The following ALK variants were observed in gnomAD, a reference collection of about 807,000 sequenced individuals.
ALK encodes ALK tyrosine kinase receptor.
In ALK, 74 loss-of-function variants were observed where a neutral mutation model predicts 163.1. The observed-to-expected ratio is 0.45, with a 90% CI of 0.38 to 0.55. The LOEUF is 0.55. Ranked by LOEUF, ALK falls within the 20% of genes least tolerant of loss-of-function variation. The pLI is 0.00. For missense variants in ALK, 2,063 were observed against 2,105.3 expected, an observed-to-expected ratio of 0.98 and a Z score of 0.39; for synonymous variants, 960 against 843.2, an observed-to-expected ratio of 1.14 and a Z score of -2.40.
At chr2:29,730,645 G>T (rs773928548) in intron 1 of ALK, among the ~76,000 whole-genome samples, 1 of 152,166 alleles carries the variant, frequency 6.6e-6, no homozygotes, top group African/African-American at 2.4e-5. Flanking sequence ...GGCTAAGCCA[G>T]TGCTTCCTCA....
intron 1 of ALK, among the ~76,000 whole-genome samples, chr2:29,855,097 A>G (rs1242464512): frequency 6.6e-6 from 1 of 152,228 alleles, no homozygotes; most frequent in Admixed American, 6.5e-5. Flanking sequence ...AATGTCACCA[A>G]TTGTAATTCT....
chr2:29,483,305 T>C (rs74477148), intron 4 of ALK, among the ~76,000 whole-genome samples: 3,165 of 152,314 alleles, frequency 0.021, 37 homozygotes, highest in Middle Eastern at 0.071. Context: ...CTGCCTCAGG[T>C]CAACTGAACC....
intron 4 of ALK, among the ~76,000 whole-genome samples, chr2:29,405,115 C>T (rs1012401188): frequency 1.3e-5 from 2 of 152,166 alleles, no homozygotes; most frequent in African/African-American, 2.4e-5. Context: ...CTTTAAATGA[C>T]GTGACTCTGG....
rs530409351 is a variant in ALK, at chr2:29,278,596, A to G, written c.1818-3100T>C. 2.6e-5 allele frequency among the ~76,000 whole-genome samples: 4 copies of G among 152,324 alleles called. No homozygotes were observed. In the East Asian group the frequency reaches 7.7e-4, roughly 29 times the overall value. On this transcript the variant is annotated intron_variant, in intron 9 of 28. Transcript: ENST00000389048. ...ATGAGTTTCTGGCTTGAGCCTCTGTAACCCTGGACAAAGCCCAAGCCTGGG... is the reference window on the plus strand; with the variant it reads ...ATGAGTTTCTGGCTTGAGCCTCTGTGACCCTGGACAAAGCCCAAGCCTGGG...
In ALK at chr2:29,228,866, A is replaced by G; in HGVS notation, c.2815+18T>C. ...TAAGCAGGGAGGGAGTGACACCTTGAACACGAATCATCTTTACCTATATAT... is the reference window on the plus strand; with the variant it reads ...TAAGCAGGGAGGGAGTGACACCTTGGACACGAATCATCTTTACCTATATAT... On this transcript the variant is annotated intron_variant, in intron 16 of 28. Coordinates refer to ENST00000389048, the MANE Select transcript of ALK (RefSeq NM_004304.5). The G allele has an allele frequency of 2.6e-6, 4 of 1,550,622 alleles. No homozygotes were observed. The highest frequency in any genetic ancestry group is 3.6e-6 in the Non-Finnish European group (4 of 1,122,304).
At chr2:29,298,578 C>T (rs2148232494) in intron 8 of ALK, among the ~76,000 whole-genome samples, 1 of 152,236 alleles carries the variant, frequency 6.6e-6, no homozygotes, top group South Asian at 2.1e-4. Context: ...TCTTGATTTC[C>T]ACAGTTGATT....
chr2:29,641,786 G>T (rs6757641), intron 3 of ALK, among the ~76,000 whole-genome samples: 1 of 151,972 alleles, frequency 6.6e-6, no homozygotes, highest in African/African-American at 2.4e-5. Flanking sequence ...CCTTCACTTA[G>T]GGCAGCAAAA....
intron 11 of ALK, among the ~76,000 whole-genome samples, chr2:29,257,048 G>A (rs1474829960): frequency 6.6e-6 from 1 of 152,150 alleles, no homozygotes. Context: ...GCTTGATGCT[G>A]AGCAGACAAT....
At chr2:29,312,736 C>T (rs1410353401) in intron 8 of ALK, among the ~76,000 whole-genome samples, 2 of 152,200 alleles carry the variant, frequency 1.3e-5, no homozygotes, top group African/African-American at 4.8e-5. Flanking sequence ...GTCTCCAATG[C>T]AGGAAGAGGC....
intron 4 of ALK, among the ~76,000 whole-genome samples, chr2:29,518,164 A>G (rs541380472): frequency 2.7e-4 from 41 of 152,292 alleles, no homozygotes; most frequent in Admixed American, 9.8e-4. Flanking sequence ...ATTTTAAATA[A>G]CGCATCTAAA....
At chr2:29,224,116 A>G (rs955009726) in intron 19 of ALK, among the ~76,000 whole-genome samples, 3 of 152,234 alleles carry the variant, frequency 2.0e-5, no homozygotes, top group Admixed American at 6.5e-5. Flanking sequence ...TGGGTAGGGC[A>G]GCTTCAGTGC....
chr2:29,215,583 G>C (rs971320888), intron 23 of ALK, among the ~76,000 whole-genome samples: 1 of 152,188 alleles, frequency 6.6e-6, no homozygotes, highest in Admixed American at 6.5e-5. Flanking sequence ...GCTAATAAGC[G>C]TGGAGCCAAA....
At chr2:29,750,966 C>T (rs575201349) in intron 1 of ALK, among the ~76,000 whole-genome samples, 8 of 152,040 alleles carry the variant, frequency 5.3e-5, no homozygotes, top group East Asian at 1.9e-4. Context: ...GCTACTCCAG[C>T]GGCTGAGGCA....
rs760683752 is a variant in ALK, at chr2:29,408,081, C to CTTTTTTTTTT, written c.1155-24223_1155-24222insAAAAAAAAAA. 2.1e-5 allele frequency among the ~76,000 whole-genome samples: 3 copies of CTTTTTTTTTT among 140,850 alleles called. 1 individual carries two copies. The highest frequency in any genetic ancestry group is 3.0e-5 in the Non-Finnish European group (2 of 65,576). 92.4% of individuals were successfully genotyped at this position (140,850 alleles called of 152,430 possible). On this transcript the variant is annotated intron_variant, in intron 4 of 28. Transcript: ENST00000389048. ...TAGGCAAAGGTACTCAGGGAAAGTT[C>CTTTTTTTTTT]TTTTTCTTTTTTTTTTTTTGAGATG...
intron 1 of ALK, among the ~76,000 whole-genome samples, chr2:29,764,920 G>C (rs925241445): frequency 2.0e-5 from 3 of 152,212 alleles, no homozygotes; most frequent in South Asian, 2.1e-4. Context: ...TGGATCAAGG[G>C]GGCAGATCTC....
At chr2:29,549,828 A>C (rs1372383167) in intron 3 of ALK, among the ~76,000 whole-genome samples, 2 of 152,210 alleles carry the variant, frequency 1.3e-5, no homozygotes, top group Non-Finnish European at 2.9e-5. Flanking sequence ...AAAATATTGG[A>C]TCTCTTGGGT....
At position 29,856,447 on chromosome 2, in the gene ALK, C is replaced by T. The variant is rs560313195; in HGVS notation, c.667+63546G>A. ...ATGTGTACCAGGTATTTTACAAACA[C>T]GACCTCAGTCATTTCTCACTTCAAC... On this transcript the variant is annotated intron_variant, in intron 1 of 28. Coordinates refer to ENST00000389048, the MANE Select transcript of ALK (RefSeq NM_004304.5). Among the ~76,000 whole-genome samples, 7 of 152,300 alleles carry T rather than the reference C, an allele frequency of 4.6e-5. No individual in the cohort carries two copies. The South Asian group carries it at 1.2e-3, about 27-fold the overall frequency.
At chr2:29,357,971 A>C (rs1424915280) in intron 5 of ALK, among the ~76,000 whole-genome samples, 1 of 152,260 alleles carries the variant, frequency 6.6e-6, no homozygotes, top group African/African-American at 2.4e-5. Flanking sequence ...CATAATGTGC[A>C]ATATCCCATT....
chr2:29,223,534 G>A lies in ALK; in HGVS notation c.3173-6C>T, dbSNP rs1229164523. 2 of 1,612,978 alleles carry A rather than the reference G, an allele frequency of 1.2e-6. No individual in the cohort carries two copies. The highest frequency in any genetic ancestry group is 2.7e-5 in the African/African-American group (2 of 74,922). On this transcript the variant is annotated splice_region_variant and splice_polypyrimidine_tract_variant and intron_variant, in intron 19 of 28. Transcript: ENST00000389048. ...CTGGTGCTTCCGGCGGTACACTGCA[G>A]GTGGGTGGTCAGCTGCAACATGGCC...
Sources: allele counts gnomAD v4.1 joint callset (sites outside exome capture counted in the v4.1 genomes callset), GRCh38; gene constraint gnomAD v4.1.1; transcripts MANE v1.5; gene names NCBI Gene and HGNC (gene_info 2026-07-23, HGNC 2026-07-21).